The following AP2A2 variants were observed in gnomAD, a reference collection of about 807,000 sequenced individuals.
AP2A2 encodes AP-2 complex subunit alpha-2.
In AP2A2, 32 loss-of-function variants were observed where a neutral mutation model predicts 104.2. That is an observed-to-expected ratio of 0.31 (90% CI 0.23 to 0.41). AP2A2 has a LOEUF of 0.41. Ranked by LOEUF, AP2A2 falls within the 10% of genes least tolerant of loss-of-function variation. The pLI, the probability that AP2A2 is intolerant of heterozygous loss-of-function variation, is 1.00. For missense variants in AP2A2, 912 were observed against 1,261.0 expected (o/e 0.72, Z 4.19); for synonymous variants, 539 against 533.3 (o/e 1.01, Z -0.15).
At chr11:977,013 C>T (rs901103135) in intron 4 of AP2A2, 82 bp from the exon 5 acceptor site, 3 of 1,581,484 alleles carry the variant, frequency 1.9e-6, no homozygotes, top group African/African-American at 1.3e-5. Context: ...CCCGCGTCTC[C>T]TGCTGGCTCT....
At position 972,068 on chromosome 11, in the gene AP2A2, C is replaced by G. The variant is rs1358552520; in HGVS notation, c.286C>G (p.Leu96Val). ...CCTGTCTTTTGGAACGCAGGGCTAC[C>G]TTTTCATCTCTGTGTTGGTGAACTC... is the stretch of plus-strand genomic sequence containing the variant. ...NRYTEKQIGY[L>V]FISVLVNSNS... The change falls in exon 4 of 22, where the codon CTT becomes GTT. Residue 96 changes from leucine (L) to valine (V), a missense_variant. Leu to Val is a conservative substitution (Grantham distance 32). Transcript: ENST00000448903. 1.2e-6 allele frequency: 2 copies of G among 1,612,558 alleles called. No individual in the cohort carries two copies. The highest frequency in any genetic ancestry group is 1.7e-6 in the Non-Finnish European group (2 of 1,179,312).
At position 989,380 on chromosome 11, in the gene AP2A2, T is replaced by C. The variant is rs151177686; in HGVS notation, c.1269+691T>C. On this transcript the variant is annotated intron_variant, in intron 10 of 21. Coordinates refer to ENST00000448903, the MANE Select transcript of AP2A2 (RefSeq NM_012305.4). ...CCCGTCCTGCGCGGCTTCTGTGGCC[T>C]GCCTGTCCTTGCAGTGGTGGCACTG... Among the ~76,000 whole-genome samples the C allele has an allele frequency of 2.1e-4, 32 of 151,504 alleles. 1 individual carries two copies. The East Asian group carries it at 6.0e-3, about 28-fold the overall frequency.
intron 2 of AP2A2, among the ~76,000 whole-genome samples, chr11:969,220 C>CTTTTTTTTT: frequency 2.1e-5 from 1 of 48,040 alleles, no homozygotes; most frequent in Non-Finnish European, 4.3e-5. Context: ...TAGAACAGCC[C>CTTTTTTTTT]TTTTTTTTTT....
At chr11:973,913 G>A (rs1445571188) in intron 4 of AP2A2, among the ~76,000 whole-genome samples, 1 of 152,358 alleles carries the variant, frequency 6.6e-6, no homozygotes, top group East Asian at 1.9e-4. Context: ...CAGGTCCCTA[G>A]TAGGTGCTTG....
At chr11:990,103 G>C (rs1025439042) in intron 10 of AP2A2, among the ~76,000 whole-genome samples, 1 of 152,192 alleles carries the variant, frequency 6.6e-6, no homozygotes, top group Non-Finnish European at 1.5e-5. Context: ...TCAATGCTGA[G>C]GGGTGAAATT....
Position 1,010,922 on chromosome 11 carries a change from G to C in AP2A2, c.*297G>C, listed in dbSNP as rs1245879080. ...TCTACAAATTAAAGGGAAATTAGAA[G>C]TTGGCGTGAACGTGGCGTTTGTGGG... is the stretch of plus-strand genomic sequence containing the variant. On this transcript the variant is annotated 3_prime_UTR_variant, in exon 22 of 22. Coordinates refer to ENST00000448903, the MANE Select transcript of AP2A2 (RefSeq NM_012305.4). The C allele has an allele frequency of 1.4e-6, 1 of 697,724 alleles. No homozygotes were observed. Among genetic ancestry groups the C allele is most frequent in the Non-Finnish European group, 2.6e-6 (1 of 385,354 alleles). 43.2% of individuals were successfully genotyped at this position (697,724 alleles called of 1,614,324 possible).
chr11:961,254 A>C (rs1417718009), intron 2 of AP2A2, among the ~76,000 whole-genome samples: 4 of 150,186 alleles, frequency 2.7e-5, no homozygotes, highest in African/African-American at 7.4e-5. Flanking sequence ...TGAAAAGTAA[A>C]GGGCAGAAGC....
At chr11:959,611 T>C in intron 2 of AP2A2, 106 bp downstream of exon 2, 1 of 760,342 alleles carries the variant, frequency 1.3e-6, no homozygotes, top group Non-Finnish European at 2.1e-6. Flanking sequence ...AAAGTGAAGT[T>C]CTCAGTTTGT....
intron 2 of AP2A2, among the ~76,000 whole-genome samples, chr11:961,985 A>G (rs561261392): frequency 1.3e-5 from 2 of 150,666 alleles, no homozygotes; most frequent in East Asian, 3.9e-4. Flanking sequence ...AGTCGCCACC[A>G]CTAGTGAAAA....
intron 5 of AP2A2, among the ~76,000 whole-genome samples, chr11:979,650 C>T (rs547004493): frequency 2.0e-5 from 3 of 152,314 alleles, no homozygotes; most frequent in African/African-American, 7.2e-5. Flanking sequence ...CAACCTCTGC[C>T]TCCTGGGTTC....
intron 14 of AP2A2, 131 bp downstream of exon 14, chr11:994,376 C>G (rs1188330736): frequency 1.7e-6 from 2 of 1,160,996 alleles, no homozygotes; most frequent in Admixed American, 2.6e-5. Flanking sequence ...GCTCTGGACA[C>G]CCCGCTGTCC....
intron 14 of AP2A2, among the ~76,000 whole-genome samples, chr11:998,573 A>G (rs1188525674): frequency 6.6e-6 from 1 of 152,040 alleles, no homozygotes; most frequent in Non-Finnish European, 1.5e-5. Flanking sequence ...AAAGTTACTC[A>G]AGACGAATCT....
At chr11:997,004 C>T (rs1239237758) in intron 14 of AP2A2, among the ~76,000 whole-genome samples, 1 of 152,014 alleles carries the variant, frequency 6.6e-6, no homozygotes, top group Non-Finnish European at 1.5e-5. Flanking sequence ...GTTCCCATTG[C>T]TCACGGGAGC....
At chr11:1,003,654 C>G in intron 15 of AP2A2, 68 bp from the exon 16 acceptor site, 1 of 1,085,470 alleles carries the variant, frequency 9.2e-7, no homozygotes, top group Non-Finnish European at 1.3e-6. Context: ...GAGTTTTTTT[C>G]CAGAACAAAC....
chr11:1,003,696 C>T (rs1409713563), intron 15 of AP2A2, 26 bp from the exon 16 acceptor site: 2 of 1,534,520 alleles, frequency 1.3e-6, no homozygotes, highest in South Asian at 1.2e-5. Context: ...CTTTGAGTGA[C>T]ACATATACTG....
chr11:981,105 C>T, intron 5 of AP2A2, 93 bp from the exon 6 acceptor site: 1 of 1,058,154 alleles, frequency 9.5e-7, no homozygotes, highest in South Asian at 1.6e-5. Flanking sequence ...TGCCACTGTG[C>T]TGCTGGTTGG....
At chr11:953,886 G>A (rs1854141007) in intron 1 of AP2A2, among the ~76,000 whole-genome samples, 1 of 149,700 alleles carries the variant, frequency 6.7e-6, no homozygotes, top group Non-Finnish European at 1.5e-5. Flanking sequence ...CCAGGCTGTA[G>A]TGCAATGGCG....
intron 4 of AP2A2, among the ~76,000 whole-genome samples, chr11:976,448 A>G (rs1855040609): frequency 6.6e-6 from 1 of 152,016 alleles, no homozygotes; most frequent in Non-Finnish European, 1.5e-5. Flanking sequence ...CTGTGCCTCC[A>G]CAGCGTCCAC....
At chr11:929,749 T>C (rs1853229391) in intron 1 of AP2A2, among the ~76,000 whole-genome samples, 1 of 151,846 alleles carries the variant, frequency 6.6e-6, no homozygotes, top group Non-Finnish European at 1.5e-5. Context: ...TGAACTCGGA[T>C]TGCGCCACTG....
Sources: allele counts gnomAD v4.1 joint callset (sites outside exome capture counted in the v4.1 genomes callset), GRCh38; gene constraint gnomAD v4.1.1; transcripts MANE v1.5; gene names NCBI Gene and HGNC (gene_info 2026-07-23, HGNC 2026-07-21).